The following SRC variants were observed in gnomAD, a reference collection of about 807,000 sequenced individuals.
SRC encodes SRC proto-oncogene, non-receptor tyrosine kinase.
Under a neutral mutation model 62.9 loss-of-function variants are expected in SRC, and 13 were observed. The observed-to-expected ratio is 0.21, with a 90% CI of 0.13 to 0.33. The LOEUF (loss-of-function observed/expected upper bound fraction) is 0.33. Among genes scored for constraint, SRC ranks in the 10% least tolerant of loss-of-function variants. The probability of loss-of-function intolerance (pLI) is 1.00; values close to 1 mark genes in which losing one functional copy is unlikely to be tolerated. For missense variants in SRC, 457 were observed against 737.3 expected, an observed-to-expected ratio of 0.62 and a Z score of 4.40; for synonymous variants, 302 against 317.5, an observed-to-expected ratio of 0.95 and a Z score of 0.52.
intron 11 of SRC, 110 bp downstream of exon 11, chr20:37,401,788 A>ATTGC (rs2070741761): frequency 1.0e-5 from 7 of 702,312 alleles, no homozygotes; most frequent in Middle Eastern, 7.9e-4. Flanking sequence ...GCCTGCCTTG[A>ATTGC]TTGCCTCCAC....
At chr20:37,368,518 CTTTTTTTTTTTTTTTTT>C (rs1352624429) in intron 2 of SRC, among the ~76,000 whole-genome samples, 1 of 73,898 alleles carries the variant, frequency 1.4e-5, no homozygotes, top group South Asian at 5.8e-4. Flanking sequence ...CCTATATTTT[CTTTTTTTTTTTTTTTTT>C]TTTTTTTTGT....
At chr20:37,399,972 G>A in intron 9 of SRC, 143 bp from the exon 10 acceptor site, 3 of 705,950 alleles carry the variant, frequency 4.2e-6, no homozygotes, top group Non-Finnish European at 6.7e-6. Flanking sequence ...CTGAGGCTCA[G>A]AAAGGGCCCA....
intron 11 of SRC, 121 bp downstream of exon 11, chr20:37,401,799 A>T (rs574488291): frequency 1.4e-5 from 9 of 637,484 alleles, no homozygotes; most frequent in Non-Finnish European, 2.1e-5. Context: ...TTGCCTCCAC[A>T]CTCACTGATC....
intron 9 of SRC, among the ~76,000 whole-genome samples, chr20:37,399,691 C>T (rs554484923): frequency 9.9e-5 from 15 of 152,050 alleles, no homozygotes; most frequent in East Asian, 1.9e-4. Flanking sequence ...ATTACAGGCA[C>T]GCACCACTAC....
At chr20:37,380,630 T>C (rs751187592) in intron 2 of SRC, among the ~76,000 whole-genome samples, 1 of 152,220 alleles carries the variant, frequency 6.6e-6, no homozygotes, top group Non-Finnish European at 1.5e-5. Context: ...TTGTCTATTC[T>C]GCAAATAGTT....
chr20:37,389,581 G>A (rs892542503), intron 5 of SRC, among the ~76,000 whole-genome samples: 7 of 152,140 alleles, frequency 4.6e-5, no homozygotes, highest in Admixed American at 3.9e-4. Flanking sequence ...AGCCTCAGCT[G>A]TGGTGCACCA....
chr20:37,393,722 G>C (rs2070590830), intron 5 of SRC, 173 bp from the exon 6 acceptor site: 1 of 583,268 alleles, frequency 1.7e-6, no homozygotes, highest in Non-Finnish European at 3.1e-6. Context: ...GAGGGGAGGA[G>C]TTCCAGGCCA....
At chr20:37,361,732 T>C (rs1422046117) in intron 1 of SRC, among the ~76,000 whole-genome samples, 1 of 152,142 alleles carries the variant, frequency 6.6e-6, no homozygotes, top group Non-Finnish European at 1.5e-5. Flanking sequence ...CTCAGTGTTC[T>C]CTGTGATCCT....
chr20:37,384,174 G>A lies in SRC; in HGVS notation c.21G>A (p.Lys7=). 6.3e-7 allele frequency: 1 copy of A among 1,599,988 alleles called. No individual in the cohort carries two copies. Among genetic ancestry groups the A allele is most frequent in the Non-Finnish European group, 8.5e-7 (1 of 1,176,692 alleles). The part of the protein sequence containing the change: MGSNKS[K]PKDASQRRRS... ...GGACCATGGGTAGCAACAAGAGCAA[G>A]CCCAAGGATGCCAGCCAGCGGCGCC... is the stretch of plus-strand genomic sequence containing the variant. The change falls in exon 4 of 14, where the codon AAG becomes AAA. Residue 7 remains lysine (K), a synonymous_variant. Transcript: ENST00000373578. This position sits in a 1 kb window ranked among gnomAD's most constrained non-coding sequence, Gnocchi z 6.7.
In SRC at chr20:37,403,140, C is replaced by A; in HGVS notation, c.1403-31C>A. The A allele has an allele frequency of 6.6e-7, 1 of 1,507,974 alleles. No individual in the cohort carries two copies. 93.4% of individuals were successfully genotyped at this position (1,507,974 alleles called of 1,614,324 possible). On this transcript the variant is annotated intron_variant, in intron 13 of 13. Transcript: ENST00000373578. This position sits in a 1 kb window ranked among gnomAD's most constrained non-coding sequence, Gnocchi z 7.1. ...CCCCACCCCACTTTCCTCACCGGAG[C>A]CGGGCTCCCCATGCCTCGCTCTGCC...
At chr20:37,393,780 C>T (rs1259247394) in intron 5 of SRC, 115 bp from the exon 6 acceptor site, 3 of 746,604 alleles carry the variant, frequency 4.0e-6, no homozygotes, top group East Asian at 2.7e-5. Context: ...CACCACCTCC[C>T]TGGGCCTCCC....
intron 2 of SRC, among the ~76,000 whole-genome samples, chr20:37,371,295 A>G (rs892027694): frequency 3.3e-5 from 5 of 151,862 alleles, no homozygotes; most frequent in African/African-American, 1.2e-4. Context: ...TGCCCAGCCT[A>G]TTTCTTCTTA....
intron 2 of SRC, among the ~76,000 whole-genome samples, chr20:37,379,203 C>T (rs537832995): frequency 1.1e-4 from 16 of 152,174 alleles, no homozygotes; most frequent in Admixed American, 3.9e-4. Context: ...AGTGGCTTCC[C>T]GAAGGAAAGG....
At chr20:37,388,970 G>A (rs944201154) in intron 5 of SRC, among the ~76,000 whole-genome samples, 3 of 152,124 alleles carry the variant, frequency 2.0e-5, no homozygotes, top group African/African-American at 7.2e-5. Flanking sequence ...CTGTAAGAGT[G>A]GGGGGCTTTC....
In SRC at chr20:37,356,404, G is replaced by A. The variant is rs148849871; in HGVS notation, c.-246-8800G>A. On this transcript the variant is annotated intron_variant, in intron 1 of 13. Coordinates refer to ENST00000373578, the MANE Select transcript of SRC (RefSeq NM_198291.3). ...CACATTCTGGGTAGTGTCTGGGTCA[G>A]GGTCAGTGTGGCTTCAGTGAGGTGG... Among the ~76,000 whole-genome samples the A allele has an allele frequency of 2.2e-3, 341 of 152,292 alleles. 3 individuals carry two copies. Among genetic ancestry groups the A allele is most frequent in the African/African-American group, 7.9e-3 (327 of 41,552 alleles).
chr20:37,357,316 A>ATC (rs1159077707), intron 1 of SRC, among the ~76,000 whole-genome samples: 2 of 152,222 alleles, frequency 1.3e-5, no homozygotes, highest in African/African-American at 2.4e-5. Context: ...CCTGGCCAAC[A>ATC]TCTGGCTGTG....
At position 37,397,897 on chromosome 20, in the gene SRC, A is replaced by G; in HGVS notation, c.859+43A>G. ...CCCTCGGGAGAGGCATCCACCCCCC[A>G]CCCCGTGTGGCAGCTCCGGGCTCCC... On this transcript the variant is annotated intron_variant, in intron 9 of 13. Transcript: ENST00000373578. This position sits in a 1 kb window ranked among gnomAD's most constrained non-coding sequence, Gnocchi z 4.1. 1.3e-6 allele frequency: 2 copies of G among 1,571,338 alleles called. No homozygotes were observed. The highest frequency in any genetic ancestry group is 8.6e-7 in the Non-Finnish European group (1 of 1,161,564).
At chr20:37,372,549 A>T (rs2070182241) in intron 2 of SRC, among the ~76,000 whole-genome samples, 1 of 152,144 alleles carries the variant, frequency 6.6e-6, no homozygotes, top group Admixed American at 6.5e-5. Context: ...CATACTTTGT[A>T]TGATTTCACT....
At chr20:37,368,527 T>C (rs1568625185) in intron 2 of SRC, among the ~76,000 whole-genome samples, 4 of 124,926 alleles carry the variant, frequency 3.2e-5, no homozygotes, top group Non-Finnish European at 4.8e-5. Context: ...TCTTTTTTTT[T>C]TTTTTTTTTT....
Sources: allele counts gnomAD v4.1 joint callset (sites outside exome capture counted in the v4.1 genomes callset), GRCh38; gene constraint gnomAD v4.1.1; non-coding constraint Gnocchi (gnomAD v3.1); transcripts MANE v1.5; gene names NCBI Gene and HGNC (gene_info 2026-07-23, HGNC 2026-07-21).